PPP2R5C: variants seen among roughly 807,000 people sequenced by gnomAD.
PPP2R5C encodes serine/threonine-protein phosphatase 2A 56 kDa regulatory subunit gamma isoform.
A neutral mutation model predicts 68.9 loss-of-function variants in PPP2R5C; 7 were observed. The ratio of observed to expected loss-of-function variants is 0.10; its 90% confidence interval spans 0.06 to 0.19. The LOEUF (loss-of-function observed/expected upper bound fraction) is 0.19. Ranked by LOEUF, PPP2R5C falls within the 10% of genes least tolerant of loss-of-function variation. PPP2R5C has a pLI of 1.00. For synonymous variants in PPP2R5C, 210 were observed against 222.2 expected (o/e 0.95, Z 0.49); for missense variants, 348 against 641.3 (o/e 0.54, Z 4.94).
At chr14:101,883,375 T>C (rs774863363) in intron 4 of PPP2R5C, 26 bp downstream of exon 6, 3 of 1,608,988 alleles carry the variant, frequency 1.9e-6, no homozygotes, top group South Asian at 1.1e-5. Flanking sequence ...GCTGACACTC[T>C]GAAAGCCCTG....
At chr14:101,764,283 G>A (rs1485725285) in intron 2 of PPP2R5C, among the ~76,000 whole-genome samples, 1 of 152,230 alleles carries the variant, frequency 6.6e-6, no homozygotes, top group Admixed American at 6.5e-5. Flanking sequence ...CCCAGGCAGA[G>A]CCAGTAGGTC....
intron 5 of PPP2R5C, among the ~76,000 whole-genome samples, chr14:101,889,233 C>T (rs1407394162): frequency 2.6e-5 from 4 of 152,132 alleles, no homozygotes; most frequent in Non-Finnish European, 2.9e-5. Flanking sequence ...TGGCTTAGAG[C>T]GGTCTCTAAT....
rs1012021135 is a variant in PPP2R5C at position 101,877,467 on chromosome 14, C to T, written c.295-4694C>T. 3.3e-5 allele frequency among the ~76,000 whole-genome samples: 5 copies of T among 152,046 alleles called. No individual in the cohort carries two copies. The highest frequency in any genetic ancestry group is 4.8e-5 in the African/African-American group (2 of 41,380). The stretch of plus-strand genomic sequence containing the variant: ...GACCCTGTGTGCTGCCCAGAAGACC[C>T]GGGACTCCTTAGACCTCAGAGCTTC... On this transcript the variant is annotated intron_variant, in intron 2 of 13. Transcript: ENST00000334743. This position sits in a 1 kb window ranked among gnomAD's most constrained non-coding sequence, Gnocchi z 4.2.
At chr14:101,769,191 A>G (rs563531481) in intron 2 of PPP2R5C, among the ~76,000 whole-genome samples, 3 of 152,266 alleles carry the variant, frequency 2.0e-5, no homozygotes, top group South Asian at 2.1e-4. Context: ...GTTTCTCACC[A>G]TCTTGGACTG....
At chr14:101,816,644 T>A (rs1289888713) in intron 1 of PPP2R5C, among the ~76,000 whole-genome samples, 1 of 151,816 alleles carries the variant, frequency 6.6e-6, no homozygotes, top group East Asian at 1.9e-4. Context: ...TGTAAGGGAC[T>A]TTTCTTATTC....
At chr14:101,874,779 G>A (rs940160744) in intron 2 of PPP2R5C, among the ~76,000 whole-genome samples, 3 of 151,626 alleles carry the variant, frequency 2.0e-5, no homozygotes, top group African/African-American at 7.3e-5. Context: ...TTGCTCTGTC[G>A]CCCAGGCTGG....
Position 101,812,375 on chromosome 14 carries a change from G to T in PPP2R5C, c.94+2339G>T, listed in dbSNP as rs191812856. 2.4e-3 allele frequency among the ~76,000 whole-genome samples: 359 copies of T among 152,304 alleles called. 3 individuals carry two copies. Among genetic ancestry groups the T allele is most frequent in the Middle Eastern group, 0.014 (4 of 294 alleles). The stretch of plus-strand genomic sequence containing the variant: ...GGAGCAGAAGGAACCAAGGAGGGCT[G>T]CACCCTGGGCTACCCTGCTCACTCG... On this transcript the variant is annotated intron_variant, in intron 1 of 13. Transcript: ENST00000334743.
exon 14 of PPP2R5C, chr14:101,927,065 AAGC>A (rs2047313961): frequency 6.6e-6 from 1 of 151,990 alleles, no homozygotes; most frequent in Non-Finnish European, 1.5e-5. Flanking sequence ...TTATTGTATA[AAGC>A]AGCGTCTTAT....
intron 1 of PPP2R5C, among the ~76,000 whole-genome samples, chr14:101,853,002 C>T (rs1476488177): frequency 6.6e-6 from 1 of 152,074 alleles, no homozygotes; most frequent in East Asian, 1.9e-4. Context: ...TTTGTAATAA[C>T]ACTTTACTGT....
At chr14:101,771,222 C>CGTGTGTGTGTGTGTGTGTGTGTGT (rs3993402) in intron 2 of PPP2R5C, among the ~76,000 whole-genome samples, 1 of 135,396 alleles carries the variant, frequency 7.4e-6, no homozygotes, top group African/African-American at 2.8e-5. Flanking sequence ...TTCTTCATCT[C>CGTGTGTGTGTGTGTGTGTGTGTGT]GTGTGTGTGT....
exon 14 of PPP2R5C, chr14:101,925,676 C>A (rs2047260612): frequency 6.4e-6 from 1 of 156,538 alleles, no homozygotes; most frequent in Non-Finnish European, 1.4e-5. Context: ...AAAAATAGGA[C>A]CTATTTTTTA....
At chr14:101,859,599 A>G (rs61995291) in intron 2 of PPP2R5C, among the ~76,000 whole-genome samples, 3,235 of 152,262 alleles carry the variant, frequency 0.021, 54 homozygotes, top group South Asian at 0.035. Flanking sequence ...GAGGGCATTG[A>G]TGAGAAGTAT....
upstream of PPP2R5C, among the ~76,000 whole-genome samples, chr14:101,761,073 A>AG (rs1360627644): frequency 1.6e-3 from 30 of 19,154 alleles, 1 homozygote; most frequent in East Asian, 9.6e-3. Context: ...GAGGGAGAGG[A>AG]GGGAAGGGGA....
chr14:101,822,494 G>T (rs953518085), intron 1 of PPP2R5C, among the ~76,000 whole-genome samples: 6 of 152,270 alleles, frequency 3.9e-5, no homozygotes, highest in African/African-American at 1.4e-4. Flanking sequence ...ATGTTATGTT[G>T]ATGTGTTTTT....
intron 1 of PPP2R5C, among the ~76,000 whole-genome samples, chr14:101,829,108 G>A (rs554459704): frequency 3.3e-5 from 5 of 152,196 alleles, no homozygotes; most frequent in Non-Finnish European, 5.9e-5. Flanking sequence ...TCTGGTTGGC[G>A]TGTTCCTGGT....
intron 1 of PPP2R5C, among the ~76,000 whole-genome samples, chr14:101,830,302 A>C (rs1350189798): frequency 6.6e-6 from 1 of 152,216 alleles, no homozygotes; most frequent in African/African-American, 2.4e-5. Flanking sequence ...TCACAAGTAG[A>C]ACTTGGGAAC....
At position 101,906,312 on chromosome 14, in the gene PPP2R5C, T is replaced by C. The variant is rs2141066112; in HGVS notation, c.1024-90T>C. 3.6e-6 allele frequency: 5 copies of C among 1,381,574 alleles called. No individual in the cohort carries two copies. The East Asian group carries it at 1.2e-4, about 33-fold the overall frequency. The allele number at this position is 1,381,574 out of a possible 1,614,324, so 85.6% of individuals were successfully genotyped here. On this transcript the variant is annotated intron_variant, in intron 9 of 13. Coordinates refer to ENST00000334743, the Ensembl canonical transcript of PPP2R5C. The surrounding 1 kb of genome is among the most constrained non-coding windows in gnomAD (Gnocchi z 4.0). ...TCATAATTTTCTGGTCCAAGGTAGTTCATTACCCGACTCACAGGTTTAACA... is the reference window on the plus strand; with the variant it reads ...TCATAATTTTCTGGTCCAAGGTAGTCCATTACCCGACTCACAGGTTTAACA...
At chr14:101,765,096 G>A (rs915391034) in intron 2 of PPP2R5C, 15 of 694,552 alleles carry the variant, frequency 2.2e-5, no homozygotes, top group African/African-American at 8.8e-5. Flanking sequence ...TGAGACCTGC[G>A]GTGTGGCCTG....
chr14:101,827,808 G>C (rs776995226), intron 1 of PPP2R5C, among the ~76,000 whole-genome samples: 16 of 152,146 alleles, frequency 1.1e-4, no homozygotes, highest in Non-Finnish European at 2.9e-5. Context: ...GCGAAAATAA[G>C]GGTGATGTCA....
Sources: gnomAD v4.1 joint callset for allele counts (sites outside exome capture counted in the v4.1 genomes callset) on GRCh38, gnomAD v4.1.1 for gene constraint, Gnocchi (gnomAD v3.1) non-coding constraint, MANE v1.5 for transcripts, NCBI Gene and HGNC (gene_info 2026-07-23, HGNC 2026-07-21) for gene names.